The following GCSH variants were observed in gnomAD, a reference collection of about 807,000 sequenced individuals.
GCSH encodes the protein glycine cleavage system protein H.
In GCSH, 15 loss-of-function variants were observed where a neutral mutation model predicts 21.3. The observed-to-expected ratio is 0.70, with a 90% CI of 0.47 to 1.08. The LOEUF (loss-of-function observed/expected upper bound fraction) is 1.08, where lower values mean the gene tolerates loss of function less well. GCSH is among the 50% of genes least tolerant of loss of function. The pLI is 0.00. For missense variants in GCSH, 179 were observed against 217.5 expected (o/e 0.82, Z 1.11); for synonymous variants, 59 against 84.5 (o/e 0.70, Z 1.66).
At position 81,093,919 on chromosome 16, in the gene GCSH, T is replaced by C. The variant is rs994890369; in HGVS notation, c.148+2212A>G. Among the ~76,000 whole-genome samples, 40 of 152,158 alleles carry C rather than the reference T, an allele frequency of 2.6e-4. 1 individual carries two copies. The highest frequency in any genetic ancestry group is 9.4e-4 in the African/African-American group (39 of 41,428). On this transcript the variant is annotated intron_variant, in intron 1 of 4. Coordinates refer to ENST00000315467, the MANE Select transcript of GCSH (RefSeq NM_004483.5). ...TAGGTAAATAATTACTTTCTTTTTT[T>C]GAGACAGAGTCTCACTCTGTCGCCC...
intron 1 of GCSH, among the ~76,000 whole-genome samples, chr16:81,095,152 G>C (rs912532947): frequency 2.6e-5 from 4 of 151,796 alleles, no homozygotes; most frequent in Admixed American, 1.3e-4. Context: ...TTGTGCTGAA[G>C]TAGCACAAAT....
rs757949327 is a variant in GCSH, at chr16:81,090,721, ACTT to A, written c.149-44_149-42del. On this transcript the variant is annotated intron_variant, in intron 1 of 4. Transcript: ENST00000315467. ...AACATTTCAGAAAAGCAGTAGCATT[ACTT>A]CTTAAGAAGCACTTTTCATTACCAT... The A allele has an allele frequency of 3.6e-6, 5 of 1,371,390 alleles. No individual in the cohort carries two copies. The African/African-American group carries it at 5.7e-5, about 16-fold the overall frequency. 85.0% of individuals were successfully genotyped at this position (1,371,390 alleles called of 1,614,324 possible).
chr16:81,093,719 T>C (rs1438207358), intron 1 of GCSH, among the ~76,000 whole-genome samples: 1 of 151,978 alleles, frequency 6.6e-6, no homozygotes, highest in Non-Finnish European at 1.5e-5. Context: ...CGGGCACCTA[T>C]AATCCCAGCT....
At chr16:81,095,149 G>T (rs1412821471) in intron 1 of GCSH, among the ~76,000 whole-genome samples, 1 of 151,822 alleles carries the variant, frequency 6.6e-6, no homozygotes, top group Non-Finnish European at 1.5e-5. Flanking sequence ...TAATTGTGCT[G>T]AAGTAGCACA....
chr16:81,090,573 G>C, intron 2 of GCSH, 28 bp downstream of exon 2: 3 of 1,432,596 alleles, frequency 2.1e-6, no homozygotes, highest in Non-Finnish European at 2.0e-6. Context: ...GAGCACACTG[G>C]GACAAATATT....
At chr16:81,088,829 A>C (rs76780895) in intron 2 of GCSH, among the ~76,000 whole-genome samples, 3 of 152,106 alleles carry the variant, frequency 2.0e-5, no homozygotes, top group African/African-American at 7.2e-5. Context: ...TAGTCCTCAC[A>C]CCTTGTACTC....
chr16:81,084,888 TG>T (rs1454534469), intron 3 of GCSH, among the ~76,000 whole-genome samples: 1 of 151,264 alleles, frequency 6.6e-6, no homozygotes, highest in African/African-American at 2.4e-5. Flanking sequence ...TCTAATTTTT[TG>T]TATTTGTAGT....
At chr16:81,092,027 T>A (rs1247774758) in intron 1 of GCSH, among the ~76,000 whole-genome samples, 1 of 152,182 alleles carries the variant, frequency 6.6e-6, no homozygotes, top group Non-Finnish European at 1.5e-5. Flanking sequence ...AGAAATTTAT[T>A]TTGCTTCATT....
chr16:81,091,023 A>C, intron 1 of GCSH: 1 of 450,230 alleles, frequency 2.2e-6, no homozygotes. Flanking sequence ...TGCAGAAAAA[A>C]AAATCTGTGC....
intron 3 of GCSH, among the ~76,000 whole-genome samples, chr16:81,086,992 C>A (rs181876142): frequency 5.4e-4 from 82 of 152,304 alleles, no homozygotes; most frequent in Admixed American, 2.0e-3. Context: ...TAAAAAACTA[C>A]CTTTAGCAGA....
intron 2 of GCSH, among the ~76,000 whole-genome samples, chr16:81,088,642 C>A (rs923555867): frequency 6.6e-6 from 1 of 152,168 alleles, no homozygotes; most frequent in African/African-American, 2.4e-5. Flanking sequence ...CTCAGATAAT[C>A]AACTTGCCTC....
At chr16:81,084,631 T>A in intron 3 of GCSH, 37 bp from the exon 4 acceptor site, 2 of 1,509,944 alleles carry the variant, frequency 1.3e-6, no homozygotes, top group Non-Finnish European at 1.8e-6. Flanking sequence ...CATGAAATGT[T>A]AAAAGTCAGT....
Position 81,082,784 on chromosome 16 carries a change from C to T in GCSH, c.*82G>A, listed in dbSNP as rs527332464. On this transcript the variant is annotated 3_prime_UTR_variant, in exon 5 of 5. Transcript: ENST00000315467. ...ATCGGTAATACTAAAAGTTTCTATT[C>T]TAAGTCTTCTATCCACCACTAATTT... is the stretch of plus-strand genomic sequence containing the variant. 7.4e-5 allele frequency: 54 copies of T among 732,830 alleles called. No homozygotes were observed. The highest frequency in any genetic ancestry group is 6.8e-4 in the East Asian group (27 of 39,748). The allele number at this position is 732,830 out of a possible 1,614,324, so 45.4% of individuals were successfully genotyped here. A position where few individuals can be genotyped will look rare whatever the true frequency, so the allele number is the denominator to read the frequency against.
In GCSH at chr16:81,089,172, C is replaced by G. The variant is rs8177892; in HGVS notation, c.228+1429G>C. Among the ~76,000 whole-genome samples, 225 of 152,226 alleles carry G rather than the reference C, an allele frequency of 1.5e-3. 4 individuals are homozygous for G. The highest frequency in any genetic ancestry group is 0.014 in the Admixed American group (213 of 15,266). Reference sequence around the variant, plus strand: ...AACAGACCACATATATGACAGTGGTCCCATGAAATTATAATATAGTTAGTA... The same window carrying G: ...AACAGACCACATATATGACAGTGGTGCCATGAAATTATAATATAGTTAGTA... On this transcript the variant is annotated intron_variant, in intron 2 of 4. Coordinates refer to ENST00000315467, the MANE Select transcript of GCSH (RefSeq NM_004483.5).
At chr16:81,087,847 G>C (rs1039076436) in intron 2 of GCSH, among the ~76,000 whole-genome samples, 183 bp from the exon 3 acceptor site, 1 of 152,180 alleles carries the variant, frequency 6.6e-6, no homozygotes, top group African/African-American at 2.4e-5. Flanking sequence ...CTCTCAGTCA[G>C]GTGTGGTAGT....
intron 1 of GCSH, among the ~76,000 whole-genome samples, chr16:81,091,854 C>A (rs1972405323): frequency 6.6e-6 from 1 of 151,166 alleles, no homozygotes; most frequent in Admixed American, 6.6e-5. Context: ...TTCCTGAGCT[C>A]ATGATCCTCC....
chr16:81,087,552 T>C (rs1567588117), intron 3 of GCSH, 49 bp downstream of exon 3: 2 of 1,280,104 alleles, frequency 1.6e-6, no homozygotes, highest in South Asian at 1.2e-5. Context: ...CTATTCAATG[T>C]AAACAAAATT....
rs370229647 is a variant in GCSH, at chr16:81,082,869, C to G, written c.519G>C (p.Glu173Asp). Residue 173 changes from glutamate to aspartate, a missense_variant, in exon 5 of 5, where the codon GAG (glutamate) becomes GAC (aspartate). Glu to Asp is a conservative substitution (Grantham distance 45). Transcript: ENST00000315467. ...AGTTTATTTAGGAGTTCCATTTTCA[C>G]TCCTCAATAGATTTTATGTATTTCT... ...AYEKYIKSIEE is the reference protein window; with the variant it reads ...AYEKYIKSIED 7 of 1,236,660 alleles carry G rather than the reference C, an allele frequency of 5.7e-6. No homozygotes were observed. In the African/African-American group the frequency reaches 8.9e-5, roughly 16 times the overall value. 76.6% of individuals were successfully genotyped at this position (1,236,660 alleles called of 1,614,324 possible). A position where few individuals can be genotyped will look rare whatever the true frequency, so the allele number is the denominator to read the frequency against.
chr16:81,092,438 T>C (rs1317522209), intron 1 of GCSH, among the ~76,000 whole-genome samples: 3 of 152,086 alleles, frequency 2.0e-5, no homozygotes, highest in African/African-American at 4.8e-5. Context: ...ATTTTTTTTT[T>C]CCTTAAATTA....
Sources: gnomAD v4.1 joint callset for allele counts (sites outside exome capture counted in the v4.1 genomes callset) on GRCh38, gnomAD v4.1.1 for gene constraint, MANE v1.5 for transcripts, NCBI Gene and HGNC (gene_info 2026-07-23, HGNC 2026-07-21) for gene names.